Variants in TFB1M observed in about 807,000 individuals in gnomAD.
TFB1M encodes transcription factor B1, mitochondrial.
TFB1M carries 27 observed loss-of-function variants against 31.1 expected under a neutral mutation model. The observed-to-expected ratio is 0.87, with a 90% CI of 0.64 to 1.20. The LOEUF (loss-of-function observed/expected upper bound fraction) is 1.20, where lower values mean the gene tolerates loss of function less well. TFB1M is among the 50% of genes most tolerant of loss of function. The probability of loss-of-function intolerance (pLI) is 0.00; values close to 1 mark genes in which losing one functional copy is unlikely to be tolerated. For missense variants in TFB1M, 394 were observed against 418.7 expected (o/e 0.94, Z 0.51); for synonymous variants, 166 against 151.8 (o/e 1.09, Z -0.69).
At chr6:155,253,926 A>G, downstream of TFB1M, 1 of 1,506,598 alleles carries the variant, frequency 6.6e-7, no homozygotes, top group Non-Finnish European at 9.1e-7. Context: ...TAACCACAGC[A>G]TTTTGGGCAA....
chr6:155,260,251 A>T, intron 6 of TFB1M, 22 bp downstream of exon 6: 2 of 1,613,890 alleles, frequency 1.2e-6, no homozygotes, highest in Non-Finnish European at 1.7e-6. Context: ...CTGCAACTGA[A>T]GAGAAGAAAA....
chr6:155,311,320 A>G lies in TFB1M; in HGVS notation c.153T>C (p.Ala51=), dbSNP rs1171681648. Residue 51 remains alanine, a synonymous_variant, in exon 2 of 7, where the codon GCT becomes GCC. Transcript: ENST00000367166. ...LRLTDKIVRK[A]GNLTNAYVYE... ...AAACATAAGCATTTGTCAGATTGCC[A>G]GCTTTCCTTACAATCTTATCTAGAG... The G allele has an allele frequency of 1.9e-6, 3 of 1,614,074 alleles. No individual in the cohort carries two copies. Among genetic ancestry groups the G allele is most frequent in the Non-Finnish European group, 2.5e-6 (3 of 1,179,922 alleles).
intron 2 of TFB1M, among the ~76,000 whole-genome samples, chr6:155,301,207 CCTT>C (rs1465948189): frequency 6.6e-6 from 1 of 152,204 alleles, no homozygotes; most frequent in Non-Finnish European, 1.5e-5. Flanking sequence ...AGGTACACCT[CCTT>C]CTTGACAATT....
chr6:155,289,168 TGTAAG>T (rs1288194883), intron 4 of TFB1M, among the ~76,000 whole-genome samples: 1 of 152,054 alleles, frequency 6.6e-6, no homozygotes, highest in African/African-American at 2.4e-5. Context: ...ATGAGAACTA[TGTAAG>T]GTAATTAATG....
intron 5 of TFB1M, among the ~76,000 whole-genome samples, chr6:155,282,853 G>GA (rs1392486831): frequency 1.3e-5 from 2 of 151,796 alleles, no homozygotes; most frequent in East Asian, 3.9e-4. Context: ...TCAGCCTCCT[G>GA]AGTAGCTGGG....
chr6:155,314,313 A>T lies in TFB1M; in HGVS notation c.116T>A (p.Leu39Gln). 6.2e-7 allele frequency: 1 copy of T among 1,614,174 alleles called. No homozygotes were observed. Residue 39 changes from leucine to glutamine, a missense_variant, in exon 1 of 7, where the codon CTG (leucine) becomes CAG (glutamine). Physicochemically the swap from Leu to Gln is moderately radical, Grantham distance 113. Transcript: ENST00000367166. Reference protein sequence around the residue: ...AAKQLSQNFLLDLRLTDKIVR... With the variant: ...AAKQLSQNFLQDLRLTDKIVR... ...CCATCCACCTGTCAGCCTCAAGTCC[A>T]GGAGGAAATTCTGTGATAGCTGCTT...
intron 2 of TFB1M, among the ~76,000 whole-genome samples, chr6:155,306,082 C>A (rs986870946): frequency 6.6e-6 from 1 of 151,850 alleles, no homozygotes; most frequent in Non-Finnish European, 1.5e-5. Context: ...ACAAAGATGG[C>A]AAATAAGCAC....
At chr6:155,266,674 G>A (rs949856669) in intron 5 of TFB1M, among the ~76,000 whole-genome samples, 6 of 151,700 alleles carry the variant, frequency 4.0e-5, no homozygotes, top group African/African-American at 1.5e-4. Context: ...GTGAAACCCC[G>A]TCTCTACTAA....
intron 3 of TFB1M, among the ~76,000 whole-genome samples, chr6:155,298,274 G>A (rs1249353090): frequency 6.6e-6 from 1 of 152,064 alleles, no homozygotes; most frequent in Non-Finnish European, 1.5e-5. Flanking sequence ...TGAGACAAAT[G>A]AATTAGAACT....
the TFB1M span, among the ~76,000 whole-genome samples, chr6:155,233,078 G>A: frequency 4.6e-5 from 7 of 152,268 alleles, no homozygotes; most frequent in East Asian, 5.8e-4. Context: ...CAGGAAAGGC[G>A]GGCACGTAGC....
Position 155,311,321 on chromosome 6 carries a change from G to A in TFB1M, c.152C>T (p.Ala51Val). 6.2e-7 allele frequency: 1 copy of A among 1,613,856 alleles called. No individual in the cohort carries two copies. Among genetic ancestry groups the A allele is most frequent in the South Asian group, 1.1e-5 (1 of 91,070 alleles). The part of the protein sequence containing the change: ...LRLTDKIVRK[A>V]GNLTNAYVYE... ...AACATAAGCATTTGTCAGATTGCCA[G>A]CTTTCCTTACAATCTTATCTAGAGG... is the stretch of plus-strand genomic sequence containing the variant. Residue 51 changes from alanine to valine, a missense_variant, in exon 2 of 7, where the codon GCT becomes GTT. Physicochemically the swap from Ala to Val is moderately conservative, Grantham distance 64. Coordinates refer to ENST00000367166, the MANE Select transcript of TFB1M (RefSeq NM_016020.4).
the TFB1M span, chr6:155,245,662 G>A: frequency 8.7e-6 from 14 of 1,613,586 alleles, no homozygotes; most frequent in Non-Finnish European, 1.1e-5. Flanking sequence ...CCTTTATTAC[G>A]CGGACCACTT....
At chr6:155,270,826 T>C (rs946093859) in intron 5 of TFB1M, among the ~76,000 whole-genome samples, 12 of 152,218 alleles carry the variant, frequency 7.9e-5, no homozygotes, top group Non-Finnish European at 7.3e-5. Context: ...GCAGCACTAA[T>C]GACACTGCTG....
chr6:155,296,846 A>G (rs1419569999), intron 4 of TFB1M, 107 bp downstream of exon 4: 10 of 1,093,882 alleles, frequency 9.1e-6, no homozygotes, highest in Non-Finnish European at 1.2e-5. Flanking sequence ...TGTGTGTGTA[A>G]TAAGATATTA....
At chr6:155,289,063 G>GT (rs1356542491) in intron 4 of TFB1M, among the ~76,000 whole-genome samples, 1 of 143,262 alleles carries the variant, frequency 7.0e-6, no homozygotes, top group East Asian at 2.2e-4. Flanking sequence ...CAAGGACAGT[G>GT]GTTTTTTTTT....
At chr6:155,260,545 T>G (rs545613318) in intron 5 of TFB1M, 145 bp from the exon 6 acceptor site, 46 of 1,016,098 alleles carry the variant, frequency 4.5e-5, no homozygotes, top group Non-Finnish European at 6.3e-5. Flanking sequence ...CGGTTTCATC[T>G]CTAGGCATGG....
At chr6:155,283,708 A>G (rs1304898231) in intron 5 of TFB1M, among the ~76,000 whole-genome samples, 3 of 152,238 alleles carry the variant, frequency 2.0e-5, no homozygotes, top group Non-Finnish European at 2.9e-5. Flanking sequence ...GATTCTGGAT[A>G]ATGGTCATAA....
At chr6:155,248,310 G>A in the TFB1M span, 4 of 1,062,164 alleles carry the variant, frequency 3.8e-6, no homozygotes, top group East Asian at 2.6e-5. Context: ...TCAGTTCTGC[G>A]ATGGTTAATC....
At chr6:155,247,920 C>G in the TFB1M span, 1 of 1,488,054 alleles carries the variant, frequency 6.7e-7, no homozygotes, top group South Asian at 1.3e-5. Flanking sequence ...AATAGATGAT[C>G]TATAAATGTT....
Sources: allele counts gnomAD v4.1 joint callset (sites outside exome capture counted in the v4.1 genomes callset), GRCh38; gene constraint gnomAD v4.1.1; transcripts MANE v1.5; gene names NCBI Gene and HGNC (gene_info 2026-07-23, HGNC 2026-07-21).